The following CNBD1 variants were observed in gnomAD, a reference collection of about 807,000 sequenced individuals.
CNBD1 encodes the protein cyclic nucleotide binding domain containing 1.
Under a neutral mutation model 54.4 loss-of-function variants are expected in CNBD1, and 71 were observed. The ratio of observed to expected loss-of-function variants is 1.30; its 90% CI spans 1.08 to 1.59. The LOEUF (loss-of-function observed/expected upper bound fraction) is 1.59, where lower values mean the gene tolerates loss of function less well. Ranked by LOEUF, CNBD1 falls within the 40% of genes most tolerant of loss-of-function variation. The probability of loss-of-function intolerance (pLI) is 0.00; values close to 1 mark genes in which losing one functional copy is unlikely to be tolerated. For synonymous variants in CNBD1, 182 were observed against 170.7 expected (o/e 1.07, Z -0.51); for missense variants, 659 against 518.0 (o/e 1.27, Z -2.64).
At chr8:87,261,821 G>A (rs564874671) in intron 6 of CNBD1, among the ~76,000 whole-genome samples, 1 of 152,096 alleles carries the variant, frequency 6.6e-6, no homozygotes, top group South Asian at 2.1e-4. Context: ...TATTTAGTTT[G>A]CTTTAACCGT....
chr8:87,227,947 T>C (rs1250785058), intron 5 of CNBD1, among the ~76,000 whole-genome samples: 1 of 150,068 alleles, frequency 6.7e-6, no homozygotes, highest in Non-Finnish European at 1.5e-5. Flanking sequence ...TTTCTTTTTA[T>C]TCTTTTTTCT....
At chr8:87,190,037 C>T (rs1813564934) in intron 4 of CNBD1, among the ~76,000 whole-genome samples, 1 of 152,068 alleles carries the variant, frequency 6.6e-6, no homozygotes, top group Admixed American at 6.6e-5. Flanking sequence ...TCATAACAGC[C>T]ACAATGCTGC....
chr8:87,296,416 A>G (rs1440632460), intron 8 of CNBD1, among the ~76,000 whole-genome samples: 1 of 152,134 alleles, frequency 6.6e-6, no homozygotes, highest in Non-Finnish European at 1.5e-5. Flanking sequence ...GGAAGAAGTG[A>G]AAATAGAAAA....
intron 3 of CNBD1, among the ~76,000 whole-genome samples, chr8:86,905,432 A>C (rs1319053402): frequency 6.6e-6 from 1 of 152,164 alleles, no homozygotes; most frequent in South Asian, 2.1e-4. Flanking sequence ...TTTATCAAAG[A>C]ATTGTTGCCT....
intron 4 of CNBD1, among the ~76,000 whole-genome samples, chr8:87,119,366 A>G (rs1170385141): frequency 8.0e-5 from 12 of 149,378 alleles, no homozygotes; most frequent in Non-Finnish European, 1.6e-4. Context: ...AGCTTGCTTG[A>G]TTTTTTCTTG....
intron 4 of CNBD1, among the ~76,000 whole-genome samples, chr8:87,155,146 T>A (rs918436290): frequency 2.6e-5 from 4 of 152,170 alleles, no homozygotes; most frequent in Non-Finnish European, 5.9e-5. Flanking sequence ...TCCAACATAG[T>A]TTCATTGGCA....
intron 4 of CNBD1, among the ~76,000 whole-genome samples, chr8:87,016,464 A>T (rs1285010372): frequency 2.0e-5 from 3 of 151,522 alleles, no homozygotes; most frequent in African/African-American, 7.3e-5. Flanking sequence ...TGAAAAAAAA[A>T]AAAAACTATC....
intron 1 of CNBD1, among the ~76,000 whole-genome samples, chr8:86,877,827 A>T (rs1808546362): frequency 6.6e-6 from 1 of 152,060 alleles, no homozygotes; most frequent in African/African-American, 2.4e-5. Flanking sequence ...TTTTACATAT[A>T]GTATCTGCTC....
intron 4 of CNBD1, among the ~76,000 whole-genome samples, chr8:87,054,529 C>T (rs1412007649): frequency 1.3e-5 from 2 of 152,100 alleles, no homozygotes; most frequent in African/African-American, 4.8e-5. Context: ...TTACTAAGGC[C>T]CCAGCTGACT....
At chr8:87,386,161 G>GA (rs577572333), downstream of CNBD1, among the ~76,000 whole-genome samples, 665 of 152,116 alleles carry the variant, frequency 4.4e-3, 1 homozygote, top group Non-Finnish European at 6.7e-3. Flanking sequence ...CAAAGTTGGG[G>GA]AAAAAACAGA....
chr8:86,936,470 G>A (rs1482565902), intron 3 of CNBD1, among the ~76,000 whole-genome samples: 1 of 152,124 alleles, frequency 6.6e-6, no homozygotes, highest in Non-Finnish European at 1.5e-5. Context: ...GCCAGGCATG[G>A]TGGCTAACAC....
intron 4 of CNBD1, among the ~76,000 whole-genome samples, chr8:87,058,883 A>G (rs1395429001): frequency 2.0e-5 from 3 of 152,216 alleles, no homozygotes; most frequent in Non-Finnish European, 4.4e-5. Flanking sequence ...TTTATGCAGC[A>G]GGCTTGAATT....
intron 4 of CNBD1, among the ~76,000 whole-genome samples, chr8:87,128,002 A>C (rs910082040): frequency 1.1e-4 from 16 of 152,190 alleles, no homozygotes; most frequent in African/African-American, 3.9e-4. Flanking sequence ...GAAGAATAGC[A>C]GAATGGCACG....
intron 8 of CNBD1, among the ~76,000 whole-genome samples, chr8:87,328,169 A>G (rs1041702344): frequency 6.6e-6 from 1 of 151,818 alleles, no homozygotes; most frequent in African/African-American, 2.4e-5. Context: ...CTGGTGTGTG[A>G]TGTTCCCTCC....
chr8:87,231,866 G>T (rs199917635), intron 5 of CNBD1, among the ~76,000 whole-genome samples: 1 of 151,746 alleles, frequency 6.6e-6, no homozygotes, highest in East Asian at 1.9e-4. Context: ...TCCTTAGCAA[G>T]ATACAGAACT....
At chr8:87,268,348 C>T (rs929595562) in intron 6 of CNBD1, among the ~76,000 whole-genome samples, 11 of 151,982 alleles carry the variant, frequency 7.2e-5, no homozygotes, top group Non-Finnish European at 1.3e-4. Flanking sequence ...TTATCCAGTC[C>T]ACCATGATGG....
Position 86,979,916 on chromosome 8 carries a change from G to GA in CNBD1, c.431+40168dup, listed in dbSNP as rs561909914. Among the ~76,000 whole-genome samples, 362 of 152,208 alleles carry GA rather than the reference G, an allele frequency of 2.4e-3. 2 individuals are homozygous for GA. Among genetic ancestry groups the GA allele is most frequent in the African/African-American group, 8.5e-3 (353 of 41,538 alleles). ...TTCAATGTTGTTGAAAAATGTGACA[G>GA]AAAAAATATTTTAGATTGAATTACT... On this transcript the variant is annotated intron_variant, in intron 4 of 10. Coordinates refer to ENST00000518476, the MANE Select transcript of CNBD1 (RefSeq NM_173538.3).
intron 4 of CNBD1, among the ~76,000 whole-genome samples, chr8:87,082,688 G>A (rs1177884139): frequency 6.6e-6 from 1 of 151,762 alleles, no homozygotes; most frequent in African/African-American, 2.4e-5. Context: ...AATTCAATCA[G>A]ATAATCTCTG....
At chr8:87,422,887 T>A (rs545115370) in intron 2 of CNBD1, among the ~76,000 whole-genome samples, 53 of 152,282 alleles carry the variant, frequency 3.5e-4, no homozygotes, top group African/African-American at 9.6e-4. Flanking sequence ...TTCACGATAC[T>A]GATTCTTCCT....
Sources: gnomAD v4.1 joint callset for allele counts (sites outside exome capture counted in the v4.1 genomes callset) on GRCh38, gnomAD v4.1.1 for gene constraint, MANE v1.5 for transcripts, NCBI Gene and HGNC (gene_info 2026-07-23, HGNC 2026-07-21) for gene names.